Variants in PABPC4L observed in about 807,000 individuals in gnomAD.
The protein encoded by PABPC4L is poly(A) binding protein cytoplasmic 4 like, also known as polyadenylate-binding protein 4-like.
For synonymous variants in PABPC4L, 169 were observed against 164.1 expected (o/e 1.03, Z -0.23); for missense variants, 452 against 451.4 (o/e 1.00, Z -0.01).
At chr4:134,188,013 T>C in the PABPC4L span, among the ~76,000 whole-genome samples, 1 of 152,082 alleles carries the variant, frequency 6.6e-6, no homozygotes, top group East Asian at 1.9e-4. Context: ...AGACTTTTTC[T>C]AACTTTTATA....
rs1447690820 is a variant in PABPC4L at position 134,201,009 on chromosome 4, G to A, written c.11C>T (p.Ala4Val). The change falls in exon 2 of 2, where the codon GCA becomes GTA. Residue 4 changes from alanine to valine, a missense_variant. Physicochemically the swap from Ala to Val is moderately conservative, Grantham distance 64 (BLOSUM62 0). Transcript: ENST00000421491. MNV[A>V]AKYRMASLYV... ...CAGGGAGGCCATGCGGTACTTGGCTGCTACATTCATCTCCTTGTCCTTGCC... is the reference window on the plus strand; with the variant it reads ...CAGGGAGGCCATGCGGTACTTGGCTACTACATTCATCTCCTTGTCCTTGCC... 3 of 1,551,906 alleles carry A rather than the reference G, an allele frequency of 1.9e-6. No individual in the cohort carries two copies. The highest frequency in any genetic ancestry group is 4.9e-5 in the East Asian group (2 of 40,902).
the PABPC4L span, among the ~76,000 whole-genome samples, chr4:134,058,388 G>A: frequency 1.3e-5 from 2 of 151,858 alleles, no homozygotes. Flanking sequence ...CACTTCTTAT[G>A]ATAAACTAGG....
chr4:134,148,024 A>G, the PABPC4L span, among the ~76,000 whole-genome samples: 1 of 152,054 alleles, frequency 6.6e-6, no homozygotes, highest in African/African-American at 2.4e-5. Context: ...TTATTTCCCA[A>G]GATGATTATT....
chr4:133,954,718 C>T, the PABPC4L span, among the ~76,000 whole-genome samples: 5 of 151,892 alleles, frequency 3.3e-5, no homozygotes, highest in Admixed American at 2.6e-4. Flanking sequence ...TAAAAATATG[C>T]AAAATTGAAC....
At chr4:134,072,243 C>T in the PABPC4L span, among the ~76,000 whole-genome samples, 1 of 152,138 alleles carries the variant, frequency 6.6e-6, no homozygotes, top group Non-Finnish European at 1.5e-5. Context: ...CCAGTTCTCT[C>T]CATAAAGATG....
chr4:133,974,409 AAATCCTT>A, the PABPC4L span, among the ~76,000 whole-genome samples: 1 of 152,140 alleles, frequency 6.6e-6, no homozygotes, highest in Non-Finnish European at 1.5e-5. Context: ...TTAAATTATG[AAATCCTT>A]AGAAGAAAAC....
the PABPC4L span, among the ~76,000 whole-genome samples, chr4:133,951,360 A>G: frequency 6.6e-6 from 1 of 152,200 alleles, no homozygotes; most frequent in Admixed American, 6.5e-5. Flanking sequence ...CATCTTTTCT[A>G]GTAATATGGC....
chr4:134,135,457 T>G, the PABPC4L span, among the ~76,000 whole-genome samples: 8 of 152,174 alleles, frequency 5.3e-5, no homozygotes, highest in Non-Finnish European at 7.4e-5. Context: ...AAATGCCTGA[T>G]AAGCATCTCC....
chr4:134,143,479 TA>T, the PABPC4L span, among the ~76,000 whole-genome samples: 1 of 150,470 alleles, frequency 6.6e-6, no homozygotes, highest in Non-Finnish European at 1.5e-5. Context: ...ATTTTTAAGA[TA>T]TTTTTCAATA....
chr4:133,964,007 AT>A, the PABPC4L span, among the ~76,000 whole-genome samples: 11 of 151,990 alleles, frequency 7.2e-5, no homozygotes, highest in Admixed American at 2.0e-4. Context: ...AAACAAAAAA[AT>A]ATACAAAATA....
At chr4:134,122,805 C>T in the PABPC4L span, among the ~76,000 whole-genome samples, 1 of 151,658 alleles carries the variant, frequency 6.6e-6, no homozygotes, top group Non-Finnish European at 1.5e-5. Context: ...TGTTTATATG[C>T]TTCTTCTACT....
At chr4:134,107,963 A>G in the PABPC4L span, among the ~76,000 whole-genome samples, 1 of 151,608 alleles carries the variant, frequency 6.6e-6, no homozygotes, top group Non-Finnish European at 1.5e-5. Flanking sequence ...AAGAGATATG[A>G]CATGGAAATT....
At chr4:134,026,988 G>A in the PABPC4L span, among the ~76,000 whole-genome samples, 8 of 151,942 alleles carry the variant, frequency 5.3e-5, no homozygotes, top group Non-Finnish European at 1.2e-4. Flanking sequence ...AAAAATTTAC[G>A]TTTTCTAAGC....
At chr4:134,083,257 C>A in the PABPC4L span, among the ~76,000 whole-genome samples, 1 of 152,102 alleles carries the variant, frequency 6.6e-6, no homozygotes, top group Non-Finnish European at 1.5e-5. Context: ...CCTCCACTTT[C>A]CTTTGACATT....
chr4:134,168,931 A>C, the PABPC4L span, among the ~76,000 whole-genome samples: 1 of 152,090 alleles, frequency 6.6e-6, no homozygotes, highest in Non-Finnish European at 1.5e-5. Context: ...ACTCAAACTC[A>C]TTTCATCATG....
chr4:134,117,679 C>T, the PABPC4L span, among the ~76,000 whole-genome samples: 1 of 151,578 alleles, frequency 6.6e-6, no homozygotes, highest in Non-Finnish European at 1.5e-5. Flanking sequence ...AGGTCACAAG[C>T]ATGAATGGTT....
the PABPC4L span, among the ~76,000 whole-genome samples, chr4:134,032,619 CA>C: frequency 2.0e-5 from 3 of 151,338 alleles, no homozygotes; most frequent in African/African-American, 4.8e-5. Context: ...AAGAAGTAAG[CA>C]AAAAAATAGT....
chr4:134,156,835 C>A, the PABPC4L span, among the ~76,000 whole-genome samples: 1 of 151,778 alleles, frequency 6.6e-6, no homozygotes, highest in African/African-American at 2.4e-5. Flanking sequence ...AAATTCAAAT[C>A]GTCTGAAAGT....
At chr4:134,121,226 A>C in the PABPC4L span, among the ~76,000 whole-genome samples, 2 of 151,340 alleles carry the variant, frequency 1.3e-5, no homozygotes, top group Non-Finnish European at 3.0e-5. Flanking sequence ...TATATAAATT[A>C]TAATTATTTT....
Sources: gnomAD v4.1 joint callset for allele counts (sites outside exome capture counted in the v4.1 genomes callset) on GRCh38, gnomAD v4.1.1 for gene constraint, MANE v1.5 for transcripts, NCBI Gene and HGNC (gene_info 2026-07-23, HGNC 2026-07-21) for gene names.